The following MYO5A variants were observed in gnomAD, a reference collection of about 807,000 sequenced individuals.
The protein encoded by MYO5A is myosin VA.
Under a neutral mutation model 249.7 loss-of-function variants are expected in MYO5A, and 98 were observed. That is an observed-to-expected ratio of 0.39 (90% CI 0.33 to 0.46). The LOEUF (loss-of-function observed/expected upper bound fraction) is 0.46, where lower values mean the gene tolerates loss of function less well. Ranked by LOEUF, MYO5A falls within the 20% of genes least tolerant of loss-of-function variation. The probability of loss-of-function intolerance (pLI) is 0.98; values close to 1 mark genes in which losing one functional copy is unlikely to be tolerated. For missense variants in MYO5A, 1,696 were observed against 2,308.8 expected (o/e 0.73, Z 5.44); for synonymous variants, 778 against 810.6 (o/e 0.96, Z 0.68).
Position 52,317,141 on chromosome 15 carries a change from G to A in MYO5A, c.5316C>T (p.Leu1772=), listed in dbSNP as rs776251737. 107 of 1,613,942 alleles carry A rather than the reference G, an allele frequency of 6.6e-5. No homozygotes were observed. The highest frequency in any genetic ancestry group is 8.8e-5 in the Non-Finnish European group (104 of 1,179,948). Residue 1772 remains leucine, a synonymous_variant, in exon 40 of 42, where the codon CTC becomes CTT. Coordinates refer to ENST00000399233, the MANE Select transcript of MYO5A (RefSeq NM_001382347.1). ...CTTGCAAAAGTTGAGCAGCCTGAAT[G>A]AGAGGTTCCAGGGTTTCTTTAGCCC... ...NSGAKETLEP[L]IQAAQLLQVK... is the part of the protein sequence containing the mutation.
intron 36 of MYO5A, among the ~76,000 whole-genome samples, chr15:52,327,197 G>C (rs1017252993): frequency 1.3e-5 from 2 of 152,122 alleles, no homozygotes; most frequent in African/African-American, 4.8e-5. Context: ...TTTAATTTCA[G>C]CATCACGTTC....
In MYO5A at chr15:52,353,933, TCTC is replaced by T; in HGVS notation, c.3502_3504del (p.Glu1168del). On this transcript the variant is annotated inframe_deletion, in exon 26 of 42. Coordinates refer to ENST00000399233, the MANE Select transcript of MYO5A (RefSeq NM_001382347.1). The stretch of plus-strand genomic sequence containing the variant: ...TCCAGCTCATCCTGCATCACCTGCT[TCTC>T]CTGCTCCAGCTCTGTGACCCGCTTC... The T allele has an allele frequency of 1.2e-6, 2 of 1,614,194 alleles. No homozygotes were observed. Among genetic ancestry groups the T allele is most frequent in the Non-Finnish European group, 1.7e-6 (2 of 1,180,032 alleles).
At chr15:52,320,704 T>C (rs2038257657) in intron 38 of MYO5A, among the ~76,000 whole-genome samples, 2 of 152,126 alleles carry the variant, frequency 1.3e-5, no homozygotes, top group Admixed American at 1.3e-4. Flanking sequence ...AAAGTGTAGC[T>C]GGAAGTAGCC....
At chr15:52,489,005 T>G (rs2076880811) in intron 1 of MYO5A, among the ~76,000 whole-genome samples, 1 of 152,206 alleles carries the variant, frequency 6.6e-6, no homozygotes, top group Non-Finnish European at 1.5e-5. Context: ...TTTAGAACCT[T>G]AACTTATCTT....
chr15:52,318,958 C>G (rs1467036004), intron 39 of MYO5A, 102 bp downstream of exon 39: 1 of 1,426,212 alleles, frequency 7.0e-7, no homozygotes. Flanking sequence ...TGGCACCAGA[C>G]ATGAGATGCA....
intron 25 of MYO5A, among the ~76,000 whole-genome samples, chr15:52,359,112 G>A (rs73410713): frequency 0.097 from 14,820 of 152,180 alleles, 2,244 homozygotes; most frequent in African/African-American, 0.33. Context: ...TTCCAACTAT[G>A]TAACATTTTT....
intron 1 of MYO5A, among the ~76,000 whole-genome samples, chr15:52,487,343 G>C (rs1595775752): frequency 6.6e-6 from 1 of 151,990 alleles, no homozygotes; most frequent in East Asian, 1.9e-4. Context: ...TTGAGGACAG[G>C]AGGTCAAGAC....
chr15:52,313,466 C>A lies in MYO5A; in HGVS notation c.*230G>T. 1 of 543,830 alleles carries A rather than the reference C, an allele frequency of 1.8e-6. No individual in the cohort carries two copies. Among genetic ancestry groups the A allele is most frequent in the African/African-American group, 1.9e-5 (1 of 52,656 alleles). 33.7% of individuals were successfully genotyped at this position (543,830 alleles called of 1,614,324 possible). A position where few individuals can be genotyped will look rare whatever the true frequency, so the allele number is the denominator to read the frequency against. On this transcript the variant is annotated 3_prime_UTR_variant, in exon 42 of 42. Transcript: ENST00000399233. ...TTCTCCTGTATGTAAACTCACGGTACCTAGTTGGTTAAGGATGAGTGTTGC... is the reference window on the plus strand; with the variant it reads ...TTCTCCTGTATGTAAACTCACGGTAACTAGTTGGTTAAGGATGAGTGTTGC...
chr15:52,374,947 G>T (rs957965325), intron 20 of MYO5A, among the ~76,000 whole-genome samples: 9 of 151,700 alleles, frequency 5.9e-5, no homozygotes, highest in Non-Finnish European at 1.0e-4. Flanking sequence ...CCATTGTTTT[G>T]TTAATAACTG....
chr15:52,370,461 A>T, intron 21 of MYO5A, 44 bp from the exon 22 acceptor site: 1 of 1,545,676 alleles, frequency 6.5e-7, no homozygotes, highest in Non-Finnish European at 8.9e-7. Context: ...TACACATATC[A>T]TCAAATGTAT....
chr15:52,480,449 C>T (rs918799815), intron 1 of MYO5A, among the ~76,000 whole-genome samples: 2 of 152,180 alleles, frequency 1.3e-5, no homozygotes, highest in African/African-American at 4.8e-5. Flanking sequence ...CCAAACACCC[C>T]ATTTCCAAGA....
intron 1 of MYO5A, among the ~76,000 whole-genome samples, chr15:52,513,049 T>C (rs905724438): frequency 2.0e-5 from 3 of 150,926 alleles, no homozygotes; most frequent in African/African-American, 7.3e-5. Flanking sequence ...TTGCTACACA[T>C]AGTAAAGTCT....
chr15:52,361,388 T>A (rs2040517598), intron 24 of MYO5A, among the ~76,000 whole-genome samples: 1 of 152,118 alleles, frequency 6.6e-6, no homozygotes, highest in Non-Finnish European at 1.5e-5. Flanking sequence ...ATGAGAGAGA[T>A]CCCTGTCTTC....
intron 1 of MYO5A, among the ~76,000 whole-genome samples, chr15:52,458,110 G>A (rs2141397462): frequency 6.6e-6 from 1 of 152,352 alleles, no homozygotes; most frequent in Middle Eastern, 3.4e-3. Context: ...AAGGGTGTAT[G>A]TGGCAGTAGA....
At chr15:52,357,216 T>C (rs1028514754) in intron 25 of MYO5A, among the ~76,000 whole-genome samples, 1 of 152,108 alleles carries the variant, frequency 6.6e-6, no homozygotes, top group Non-Finnish European at 1.5e-5. Context: ...CATTCCATAT[T>C]ATATATTTTA....
At chr15:52,507,430 C>T (rs55854724) in intron 1 of MYO5A, among the ~76,000 whole-genome samples, 32,266 of 151,964 alleles carry the variant, frequency 0.21, 3,862 homozygotes, top group African/African-American at 0.32. Context: ...AGATTACAAT[C>T]GAAAGAGTAT....
intron 2 of MYO5A, among the ~76,000 whole-genome samples, chr15:52,432,836 C>A (rs2075571670): frequency 6.6e-6 from 1 of 152,150 alleles, no homozygotes. Flanking sequence ...TAAGACCTGG[C>A]ACCATGCCTC....
chr15:52,346,938 C>G (rs1426168598), intron 29 of MYO5A, among the ~76,000 whole-genome samples: 1 of 151,834 alleles, frequency 6.6e-6, no homozygotes, highest in African/African-American at 2.4e-5. Context: ...ATAAAGTTCA[C>G]TTTTTCATTA....
chr15:52,337,742 G>T, intron 33 of MYO5A, 68 bp downstream of exon 33: 1 of 1,165,800 alleles, frequency 8.6e-7, no homozygotes, highest in Non-Finnish European at 1.2e-6. Context: ...GCAGCAGTGT[G>T]CTCTTCAGTT....
Sources: gnomAD v4.1 joint callset for allele counts (sites outside exome capture counted in the v4.1 genomes callset) on GRCh38, gnomAD v4.1.1 for gene constraint, MANE v1.5 for transcripts, NCBI Gene and HGNC (gene_info 2026-07-23, HGNC 2026-07-21) for gene names.